ZNF81: variants seen among roughly 807,000 people sequenced by gnomAD.
The protein encoded by ZNF81 is zinc finger protein 81, also known as zinc finger protein 81 (HFZ20).
ZNF81 carries 5 observed loss-of-function variants against 32.3 expected under a neutral mutation model. The ratio of observed to expected loss-of-function variants is 0.15; its 90% confidence interval spans 0.08 to 0.33. The LOEUF (loss-of-function observed/expected upper bound fraction) is 0.33. ZNF81 is among the 10% of genes least tolerant of loss of function. The pLI, the probability that ZNF81 is intolerant of heterozygous loss-of-function variation, is 1.00. For missense variants in ZNF81, 379 were observed against 479.8 expected, an observed-to-expected ratio of 0.79 and a Z score of 1.96; for synonymous variants, 163 against 166.8, an observed-to-expected ratio of 0.98 and a Z score of 0.17.
intron 1 of ZNF81, chrX:47,841,036 C>G (rs2058447255): frequency 4.6e-6 from 4 of 860,538 alleles, no homozygotes; most frequent in East Asian, 3.1e-5. Context: ...CTTGAGGAAG[C>G]CTACTCTATT....
At chrX:47,877,660 A>G (rs902461760) in intron 2 of ZNF81, among the ~76,000 whole-genome samples, 1 of 111,707 alleles carries the variant, frequency 9.0e-6, no homozygotes, top group Admixed American at 9.5e-5. Context: ...CCACTGGTGA[A>G]CTCAGGCTTT....
chrX:47,888,782 A>G (rs2058652181), intron 3 of ZNF81, among the ~76,000 whole-genome samples: 1 of 111,716 alleles, frequency 9.0e-6, no homozygotes, highest in Non-Finnish European at 1.9e-5. Context: ...TTGACAGAAA[A>G]AGCCTAGATT....
rs73632361 is a variant in ZNF81, at chrX:47,868,960, T to C, written c.55-19039T>C. On this transcript the variant is annotated intron_variant, in intron 2 of 4. Coordinates refer to ENST00000338637, the MANE Select transcript of ZNF81 (RefSeq NM_007137.5). The stretch of plus-strand genomic sequence containing the variant: ...GGGGGGGTGGGGGGGATCTCTCTTA[T>C]ATACATCTTGAGGAGTCTGTTGAAA... Among the ~76,000 whole-genome samples the C allele has an allele frequency of 8.0e-3, 858 of 107,358 alleles. 12 individuals are homozygous for C. The highest frequency in any genetic ancestry group is 0.028 in the African/African-American group (829 of 29,445). 93.2% of individuals were successfully genotyped at this position (107,358 alleles called of 115,157 possible).
intron 2 of ZNF81, among the ~76,000 whole-genome samples, chrX:47,887,092 A>G (rs1227559505): frequency 3.4e-4 from 38 of 111,512 alleles, no homozygotes; most frequent in East Asian, 2.8e-3. Flanking sequence ...ACTTTCGCCC[A>G]TTGAATCACA....
At position 47,850,928 on chromosome X, in the gene ZNF81, CACACACAA is replaced by C. The variant is rs1556881147; in HGVS notation, c.54+4608_54+4615del. On this transcript the variant is annotated intron_variant, in intron 2 of 4. Coordinates refer to ENST00000338637, the MANE Select transcript of ZNF81 (RefSeq NM_007137.5). ...ACACACACACACACACACACACACA[CACACACAA>C]CCCAACACCCCTATATCCATTTTTA... 3.8e-3 allele frequency among the ~76,000 whole-genome samples: 178 copies of C among 47,430 alleles called. 2 individuals carry two copies. Among genetic ancestry groups the C allele is most frequent in the African/African-American group, 8.9e-3 (170 of 19,030 alleles). The allele number at this position is 47,430 out of a possible 115,157, so 41.2% of individuals were successfully genotyped here.
intron 4 of ZNF81, among the ~76,000 whole-genome samples, chrX:47,896,179 T>C (rs1211571639): frequency 9.0e-6 from 1 of 111,335 alleles, no homozygotes; most frequent in Non-Finnish European, 1.9e-5. Flanking sequence ...ATTCCTATAC[T>C]CTGGATTACA....
At chrX:47,854,511 A>G (rs781842918) in intron 2 of ZNF81, among the ~76,000 whole-genome samples, 33 of 111,932 alleles carry the variant, frequency 2.9e-4, no homozygotes, top group Non-Finnish European at 5.6e-4. Flanking sequence ...AATAAGCTCA[A>G]TCATGTCTAG....
chrX:47,915,341 C>A lies in ZNF81; in HGVS notation c.695C>A (p.Ser232Tyr), dbSNP rs1556890526. ...GGTCAAGTTTTTACCCAGAACTCTT[C>A]TTATAGTCACCACGAAAATACACAT... ...GHGQVFTQNS[S>Y]YSHHENTHTG... Residue 232 changes from serine (S) to tyrosine (Y), a missense_variant, in exon 5 of 5, where the codon TCT becomes TAT. Physicochemically the swap from Ser to Tyr is moderately radical, Grantham distance 144. Around this residue, in one of 2 missense-constraint regions of ZNF81, gnomAD observed 277 missense variants for 306.6 expected, o/e 0.90. Transcript: ENST00000338637. The A allele has an allele frequency of 8.3e-7, 1 of 1,211,661 alleles. No individual in the cohort carries two copies. Among genetic ancestry groups the A allele is most frequent in the South Asian group, 1.8e-5 (1 of 56,994 alleles).
intron 2 of ZNF81, among the ~76,000 whole-genome samples, chrX:47,863,922 C>T (rs2058550616): frequency 8.9e-6 from 1 of 111,964 alleles, no homozygotes; most frequent in Admixed American, 9.5e-5. Flanking sequence ...GAGAAAATCA[C>T]TGCCACCCAG....
At chrX:47,888,248 A>G in intron 3 of ZNF81, 123 bp downstream of exon 3, 1 of 961,324 alleles carries the variant, frequency 1.0e-6, no homozygotes. Flanking sequence ...TTGGAAATAG[A>G]GTCTTTACAG....
chrX:47,909,882 G>A (rs2058733746), intron 4 of ZNF81, among the ~76,000 whole-genome samples: 1 of 108,457 alleles, frequency 9.2e-6, no homozygotes, highest in African/African-American at 3.4e-5. Context: ...CCTTGCGATA[G>A]TTTACTGAGA....
intron 1 of ZNF81, among the ~76,000 whole-genome samples, chrX:47,840,611 G>A (rs1164246378): frequency 2.8e-5 from 3 of 108,970 alleles, no homozygotes; most frequent in Non-Finnish European, 3.8e-5. Context: ...AGGTTCAAGC[G>A]ATTCTCCTGC....
intron 4 of ZNF81, among the ~76,000 whole-genome samples, chrX:47,898,408 G>C (rs782663177): frequency 9.0e-6 from 1 of 111,264 alleles, no homozygotes; most frequent in African/African-American, 3.3e-5. Flanking sequence ...GAACATCAAG[G>C]GTACAGAAAA....
At chrX:47,843,433 A>G (rs1408896698) in intron 1 of ZNF81, among the ~76,000 whole-genome samples, 1 of 30,286 alleles carries the variant, frequency 3.3e-5, no homozygotes, top group African/African-American at 9.6e-5. Flanking sequence ...TCCTATATCT[A>G]CACACACACA....
rs782337593 is a variant in ZNF81, at chrX:47,923,451, G to A, written c.*6819G>A. ...AGCCAGAGAGGTAAAAACATACCAG[G>A]TGAGCAAGGGGCTCATAGAGAACAG... On this transcript the variant is annotated 3_prime_UTR_variant, in exon 5 of 5. Coordinates refer to ENST00000338637, the MANE Select transcript of ZNF81 (RefSeq NM_007137.5). Among the ~76,000 whole-genome samples the A allele has an allele frequency of 3.6e-5, 4 of 111,997 alleles. No homozygotes were observed. Among genetic ancestry groups the A allele is most frequent in the South Asian group, 3.7e-4 (1 of 2,697 alleles).
chrX:47,886,542 TC>T (rs1258628552), intron 2 of ZNF81, among the ~76,000 whole-genome samples: 1 of 109,985 alleles, frequency 9.1e-6, no homozygotes, highest in African/African-American at 3.3e-5. Context: ...ACTGCAGAAC[TC>T]CCCTTCAATT....
At position 47,877,595 on chromosome X, in the gene ZNF81, G is replaced by A. The variant is rs187872247; in HGVS notation, c.55-10404G>A. 6.3e-5 allele frequency among the ~76,000 whole-genome samples: 7 copies of A among 111,629 alleles called. No homozygotes were observed. The East Asian group carries it at 1.4e-3, about 22-fold the overall frequency. ...CAGCCTTACTGACACCATCTGTTTC[G>A]ACTTTGGGGATGCCTCAGTTCTACA... On this transcript the variant is annotated intron_variant, in intron 2 of 4. Transcript: ENST00000338637.
chrX:47,859,789 C>T (rs995515706), intron 2 of ZNF81, among the ~76,000 whole-genome samples: 1 of 111,442 alleles, frequency 9.0e-6, no homozygotes, highest in Admixed American at 9.5e-5. Context: ...TGCCAGCTCC[C>T]CAAGTCCTGA....
At chrX:47,870,410 G>A (rs2058575945) in intron 2 of ZNF81, among the ~76,000 whole-genome samples, 2 of 112,182 alleles carry the variant, frequency 1.8e-5, no homozygotes, top group African/African-American at 6.5e-5. Context: ...AGTTTTTTTA[G>A]ACTTTGATTC....
Sources: allele counts gnomAD v4.1 joint callset (sites outside exome capture counted in the v4.1 genomes callset), GRCh38; gene constraint gnomAD v4.1.1; regional missense constraint gnomAD v4.1.1; transcripts MANE v1.5; gene names NCBI Gene and HGNC (gene_info 2026-07-23, HGNC 2026-07-21).